The following SPATS2 variants were observed in gnomAD, a reference collection of about 807,000 sequenced individuals.
The protein encoded by SPATS2 is spermatogenesis-associated serine-rich protein 2.
A neutral mutation model predicts 63.7 loss-of-function variants in SPATS2; 38 were observed. The observed-to-expected ratio is 0.60, with a 90% CI of 0.46 to 0.78. The LOEUF (loss-of-function observed/expected upper bound fraction) is 0.78, where lower values mean the gene tolerates loss of function less well. Ranked by LOEUF, SPATS2 falls within the 30% of genes least tolerant of loss-of-function variation. SPATS2 has a pLI of 0.00. For synonymous variants in SPATS2, 207 were observed against 232.9 expected, an observed-to-expected ratio of 0.89 and a Z score of 1.01; for missense variants, 588 against 666.2, an observed-to-expected ratio of 0.88 and a Z score of 1.29.
At chr12:49,411,565 C>T (rs1474110785) in intron 2 of SPATS2, among the ~76,000 whole-genome samples, 1 of 152,126 alleles carries the variant, frequency 6.6e-6, no homozygotes, top group African/African-American at 2.4e-5. Context: ...AGAATCATAT[C>T]TAAAGCAGAA....
intron 2 of SPATS2, among the ~76,000 whole-genome samples, chr12:49,452,395 T>A (rs191686506): frequency 1.0e-3 from 154 of 152,360 alleles, no homozygotes; most frequent in Admixed American, 9.2e-3. Context: ...TCCTCCTACC[T>A]TAGCCTCCCA....
At chr12:49,516,636 G>A (rs1387987032) in intron 10 of SPATS2, among the ~76,000 whole-genome samples, 1 of 151,642 alleles carries the variant, frequency 6.6e-6, no homozygotes, top group Admixed American at 6.6e-5. Context: ...AACCCAGGGG[G>A]CAGAGGTTGC....
intron 6 of SPATS2, among the ~76,000 whole-genome samples, chr12:49,493,302 AC>A (rs1456737292): frequency 6.6e-6 from 1 of 151,820 alleles, no homozygotes; most frequent in African/African-American, 2.4e-5. Context: ...AAGGTAAAGG[AC>A]TTTTGTTTGT....
At chr12:49,465,302 C>G (rs1945892859) in intron 3 of SPATS2, among the ~76,000 whole-genome samples, 1 of 152,156 alleles carries the variant, frequency 6.6e-6, no homozygotes, top group South Asian at 2.1e-4. Flanking sequence ...GTTTTACAAT[C>G]CCACCAGCAG....
At chr12:49,382,409 A>G (rs962797245) in intron 2 of SPATS2, among the ~76,000 whole-genome samples, 8 of 152,172 alleles carry the variant, frequency 5.3e-5, no homozygotes, top group Non-Finnish European at 1.2e-4. Flanking sequence ...TATCCTTCCA[A>G]AGATATTTTG....
chr12:49,458,462 C>T (rs769404245), intron 2 of SPATS2, among the ~76,000 whole-genome samples: 1 of 151,740 alleles, frequency 6.6e-6, no homozygotes, highest in Non-Finnish European at 1.5e-5. Context: ...GAGCATGACT[C>T]TGTCTCCAGA....
intron 2 of SPATS2, among the ~76,000 whole-genome samples, chr12:49,453,525 A>G (rs1046447473): frequency 1.3e-5 from 2 of 152,058 alleles, no homozygotes; most frequent in African/African-American, 4.8e-5. Flanking sequence ...TTTAAAATCA[A>G]TTTGGGCTGG....
intron 2 of SPATS2, among the ~76,000 whole-genome samples, chr12:49,458,152 C>T (rs11169027): frequency 0.3 from 44,942 of 152,022 alleles, 8,978 homozygotes; most frequent in African/African-American, 0.57. Flanking sequence ...GTATGAGTTC[C>T]ATAATCCTTA....
intron 4 of SPATS2, chr12:49,486,469 G>A (rs945274583): frequency 3.6e-6 from 1 of 276,518 alleles, no homozygotes; most frequent in South Asian, 3.2e-5. Flanking sequence ...AAAGTGCTGG[G>A]ATTACAGGCA....
intron 2 of SPATS2, among the ~76,000 whole-genome samples, chr12:49,425,451 C>G (rs1007134977): frequency 3.3e-5 from 5 of 152,084 alleles, no homozygotes; most frequent in Admixed American, 2.6e-4. Context: ...TCCCGAGTAG[C>G]TGGGACTACA....
At chr12:49,389,877 G>A in intron 2 of SPATS2, 1 of 832,804 alleles carries the variant, frequency 1.2e-6, no homozygotes, top group Non-Finnish European at 2.1e-6. Flanking sequence ...AGATGATCCG[G>A]GAAAAATAAT....
At position 49,461,871 on chromosome 12, in the gene SPATS2, C is replaced by A. The variant is rs868355104; in HGVS notation, c.25+834C>A. ...AGTAAATCTATAGGAAGAATCTGAG[C>A]TCTAAGGAATGCTTAGATTACTAAA... On this transcript the variant is annotated intron_variant, in intron 3 of 13. Transcript: ENST00000552918. Among the ~76,000 whole-genome samples, 29 of 152,258 alleles carry A rather than the reference C, an allele frequency of 1.9e-4. No homozygotes were observed. The Middle Eastern group carries it at 0.017, about 89-fold the overall frequency.
chr12:49,413,938 GT>G (rs1468481790), intron 2 of SPATS2, among the ~76,000 whole-genome samples: 18 of 152,178 alleles, frequency 1.2e-4, no homozygotes, highest in African/African-American at 4.3e-4. Context: ...AAGCAGGCAT[GT>G]ATTACCAGTT....
chr12:49,513,618 T>C (rs1946789076), intron 9 of SPATS2, among the ~76,000 whole-genome samples: 1 of 152,224 alleles, frequency 6.6e-6, no homozygotes, highest in African/African-American at 2.4e-5. Context: ...AAATCTGTAA[T>C]TCCATCCTTC....
chr12:49,484,675 A>C lies in SPATS2; in HGVS notation c.105+6A>C. 1 of 1,613,606 alleles carries C rather than the reference A, an allele frequency of 6.2e-7. No individual in the cohort carries two copies. Among genetic ancestry groups the C allele is most frequent in the Non-Finnish European group, 8.5e-7 (1 of 1,179,580 alleles). ...TTGAGAACATGAAAGAGAAGGTAAGACTAGTCACTATGGATAGTAAACTTA... is the reference window on the plus strand; with the variant it reads ...TTGAGAACATGAAAGAGAAGGTAAGCCTAGTCACTATGGATAGTAAACTTA... On this transcript the variant is annotated splice_donor_region_variant and intron_variant, in intron 4 of 13. Coordinates refer to ENST00000552918, the MANE Select transcript of SPATS2 (RefSeq NM_023071.4).
At chr12:49,402,244 A>T (rs527728687) in intron 2 of SPATS2, among the ~76,000 whole-genome samples, 67 of 152,322 alleles carry the variant, frequency 4.4e-4, no homozygotes, top group African/African-American at 1.5e-3. Context: ...CCAGGCAGGT[A>T]TGATGAAATG....
chr12:49,389,765 AAAAG>A, intron 2 of SPATS2: 5 of 1,372,110 alleles, frequency 3.6e-6, no homozygotes, highest in Non-Finnish European at 5.2e-6. Flanking sequence ...AACAAGAAAG[AAAAG>A]AATTGCGTAC....
At chr12:49,450,604 C>T (rs553746098) in intron 2 of SPATS2, among the ~76,000 whole-genome samples, 9 of 152,194 alleles carry the variant, frequency 5.9e-5, no homozygotes, top group Admixed American at 2.6e-4. Context: ...AGCGCAATGG[C>T]GTGATCTTGG....
intron 2 of SPATS2, among the ~76,000 whole-genome samples, chr12:49,373,898 G>A (rs953262997): frequency 4.6e-5 from 7 of 151,940 alleles, no homozygotes; most frequent in African/African-American, 1.5e-4. Context: ...CAGCCTGGGC[G>A]ACACTGCGAG....
Sources: gnomAD v4.1 joint callset for allele counts (sites outside exome capture counted in the v4.1 genomes callset) on GRCh38, gnomAD v4.1.1 for gene constraint, MANE v1.5 for transcripts, NCBI Gene and HGNC (gene_info 2026-07-23, HGNC 2026-07-21) for gene names.